NUB1: variants seen among roughly 807,000 people sequenced by gnomAD.
The protein encoded by NUB1 is NEDD8 ultimate buster 1.
A neutral mutation model predicts 77.1 loss-of-function variants in NUB1; 41 were observed. That is an observed-to-expected ratio of 0.53 (90% CI 0.41 to 0.69). NUB1 has a LOEUF of 0.69. Ranked by LOEUF, NUB1 falls within the 30% of genes least tolerant of loss-of-function variation. NUB1 has a pLI of 0.00. For synonymous variants in NUB1, 257 were observed against 281.0 expected (o/e 0.91, Z 0.85); for missense variants, 643 against 743.8 (o/e 0.86, Z 1.58).
At chr7:151,353,850 C>T (rs1012386992) in intron 5 of NUB1, among the ~76,000 whole-genome samples, 2 of 152,200 alleles carry the variant, frequency 1.3e-5, no homozygotes, top group African/African-American at 4.8e-5. Context: ...CTCACCCTAG[C>T]CTTGCTTTCC....
At chr7:151,376,595 G>A (rs200208346) in intron 13 of NUB1, 39 bp from the exon 14 acceptor site, 43 of 1,549,502 alleles carry the variant, frequency 2.8e-5, no homozygotes, top group Middle Eastern at 1.9e-4. Context: ...CAGAAGAGGC[G>A]CCAGGGGCTG....
At chr7:151,352,163 G>A (rs962858694) in intron 4 of NUB1, 9 of 456,534 alleles carry the variant, frequency 2.0e-5, no homozygotes, top group African/African-American at 6.0e-5. Flanking sequence ...ATCAGCCCCC[G>A]CTATGGGCTT....
chr7:151,349,329 CAA>C (rs1796678989), intron 3 of NUB1, 89 bp downstream of exon 3: 1 of 1,111,522 alleles, frequency 9.0e-7, no homozygotes, highest in Admixed American at 2.3e-5. Flanking sequence ...AGTTACAATC[CAA>C]AGTCAGAATT....
intron 4 of NUB1, among the ~76,000 whole-genome samples, 177 bp downstream of exon 4, chr7:151,351,659 T>C (rs1256659160): frequency 6.6e-6 from 1 of 152,134 alleles, no homozygotes; most frequent in Non-Finnish European, 1.5e-5. Context: ...GGTAGGTAAG[T>C]GGCAAAGTGA....
intron 7 of NUB1, among the ~76,000 whole-genome samples, chr7:151,357,890 A>T (rs1584949759): frequency 6.6e-6 from 1 of 151,144 alleles, no homozygotes; most frequent in African/African-American, 2.4e-5. Flanking sequence ...GATTACAGGC[A>T]TGAGCCACTG....
rs773360882 is a variant in NUB1 at position 151,355,974 on chromosome 7, A to G, written c.598+24A>G. ...AGGTACCCAGAGCTCTGGGCTTGTC[A>G]CCCACTCAGCTGCTTGGGGGCAGCA... is the stretch of plus-strand genomic sequence containing the variant. On this transcript the variant is annotated intron_variant, in intron 6 of 14. Coordinates refer to ENST00000568733, the MANE Select transcript of NUB1 (RefSeq NM_001243351.2). 4 of 1,611,030 alleles carry G rather than the reference A, an allele frequency of 2.5e-6. No individual in the cohort carries two copies. In the South Asian group the frequency reaches 4.4e-5, roughly 18 times the overall value.
At chr7:151,349,769 A>G (rs1464190776) in intron 3 of NUB1, among the ~76,000 whole-genome samples, 2 of 152,256 alleles carry the variant, frequency 1.3e-5, no homozygotes, top group African/African-American at 4.8e-5. Flanking sequence ...CAGAAGAAAT[A>G]AGAGCATAGG....
Position 151,377,869 on chromosome 7 carries a change from TTGAG to T in NUB1, c.*647_*650del, listed in dbSNP as rs1380974263. On this transcript the variant is annotated 3_prime_UTR_variant, in exon 15 of 15. Coordinates refer to ENST00000568733, the MANE Select transcript of NUB1 (RefSeq NM_001243351.2). The stretch of plus-strand genomic sequence containing the variant: ...TAAAATACGCCCCCGAAATTCAAGA[TTGAG>T]TGTCAGGCTTTATATATATTCAGCA... The T allele has an allele frequency of 1.3e-5, 2 of 152,222 alleles. No individual in the cohort carries two copies. The highest frequency in any genetic ancestry group is 4.8e-5 in the African/African-American group (2 of 41,446). 9.4% of individuals were successfully genotyped at this position (152,222 alleles called of 1,614,324 possible). A position where few individuals can be genotyped will look rare whatever the true frequency, so the allele number is the denominator to read the frequency against.
intron 5 of NUB1, among the ~76,000 whole-genome samples, chr7:151,354,063 A>G (rs1227016289): frequency 6.6e-6 from 1 of 152,116 alleles, no homozygotes; most frequent in Admixed American, 6.5e-5. Context: ...GATAGTCTAC[A>G]TTTTCTTGAA....
intron 12 of NUB1, 125 bp downstream of exon 12, chr7:151,374,368 A>G (rs1798108310): frequency 8.0e-7 from 1 of 1,256,616 alleles, no homozygotes; most frequent in Non-Finnish European, 1.1e-6. Flanking sequence ...TCCGGATCTG[A>G]AGGGCAGGTT....
chr7:151,350,033 A>G (rs1421097708), intron 3 of NUB1, among the ~76,000 whole-genome samples: 2 of 152,234 alleles, frequency 1.3e-5, no homozygotes, highest in Non-Finnish European at 2.9e-5. Context: ...TCATGTGTCC[A>G]CCGGACAGGG....
intron 12 of NUB1, among the ~76,000 whole-genome samples, chr7:151,375,268 T>C (rs1021918740): frequency 6.6e-6 from 1 of 152,196 alleles, no homozygotes; most frequent in East Asian, 1.9e-4. Flanking sequence ...TTTTTGTGTG[T>C]TGGAGAAATA....
At chr7:151,344,308 T>A (rs896891418) in intron 1 of NUB1, among the ~76,000 whole-genome samples, 5 of 150,864 alleles carry the variant, frequency 3.3e-5, no homozygotes, top group African/African-American at 1.2e-4. Flanking sequence ...TAGAAAATAT[T>A]TATATATTTA....
intron 1 of NUB1, among the ~76,000 whole-genome samples, chr7:151,344,371 T>C (rs1333973832): frequency 6.6e-6 from 1 of 150,992 alleles, no homozygotes; most frequent in Non-Finnish European, 1.5e-5. Context: ...AGTGCAGTGG[T>C]GCCATCTCGG....
Position 151,377,149 on chromosome 7 carries a change from T to C in NUB1, c.1772T>C (p.Leu591Pro). Reference sequence around the variant, plus strand: ...GAGGAAGACTATCTTGACTCAACTCTGGAAGATGAAGAAATTATTATTGCA... The same window carrying C: ...GAGGAAGACTATCTTGACTCAACTCCGGAAGATGAAGAAATTATTATTGCA... ...EHEEDYLDST[L>P]EDEEIIIAEY... The change falls in exon 15 of 15, where the codon CTG becomes CCG. Residue 591 changes from leucine to proline, a missense_variant. Physicochemically the swap from Leu to Pro is moderately conservative, Grantham distance 98. Coordinates refer to ENST00000568733, the MANE Select transcript of NUB1 (RefSeq NM_001243351.2). The C allele has an allele frequency of 6.3e-7, 1 of 1,590,142 alleles. No individual in the cohort carries two copies. The highest frequency in any genetic ancestry group is 8.6e-7 in the Non-Finnish European group (1 of 1,167,116).
intron 8 of NUB1, among the ~76,000 whole-genome samples, chr7:151,364,432 CAAAAAAAAACAA>C (rs1380359979): frequency 4.8e-5 from 7 of 146,690 alleles, no homozygotes; most frequent in African/African-American, 1.5e-4. Flanking sequence ...AAAACAAAAA[CAAAAAAAAACAA>C]AAAAAAAAAC....
intron 11 of NUB1, among the ~76,000 whole-genome samples, chr7:151,371,170 C>T (rs1342186499): frequency 9.9e-5 from 15 of 152,134 alleles, no homozygotes; most frequent in Non-Finnish European, 1.6e-4. Flanking sequence ...TTGTTAGTTA[C>T]GATGCCTTTG....
chr7:151,349,133 A>T lies in NUB1; in HGVS notation c.178A>T (p.Ile60Leu). The T allele has an allele frequency of 6.2e-7, 1 of 1,613,762 alleles. No homozygotes were observed. Among genetic ancestry groups the T allele is most frequent in the Non-Finnish European group, 8.5e-7 (1 of 1,179,778 alleles). The change falls in exon 3 of 15, where the codon ATA (isoleucine) becomes TTA (leucine). Residue 60 changes from isoleucine (I) to leucine (L), a missense_variant. Ile to Leu is a conservative substitution (Grantham distance 5). Coordinates refer to ENST00000568733, the MANE Select transcript of NUB1 (RefSeq NM_001243351.2). Reference sequence around the variant, plus strand: ...CTGTGAAAATGAAGTAGAAAAGGTAATAGAAGAAATACGTTGCAAGGCAAT... The same window carrying T: ...CTGTGAAAATGAAGTAGAAAAGGTATTAGAAGAAATACGTTGCAAGGCAAT... Reference protein sequence around the residue: ...ECCENEVEKVIEEIRCKAIER... With the variant: ...ECCENEVEKVLEEIRCKAIER...
rs751190930 is a variant in NUB1, at chr7:151,356,138, A to G, written c.609A>G (p.Thr203=). Residue 203 remains threonine, a synonymous_variant, in exon 7 of 15, where the codon ACA becomes ACG. Transcript: ENST00000568733. ...LEILAKRAAE[T]VVDPEMTPYL... Reference sequence around the variant, plus strand: ...TTGGTTTTGTTACAGCAGCAGAGACAGTGGTGGATCCAGAAATGACACCGT... The same window carrying G: ...TTGGTTTTGTTACAGCAGCAGAGACGGTGGTGGATCCAGAAATGACACCGT... 11 of 1,613,480 alleles carry G rather than the reference A, an allele frequency of 6.8e-6. No individual in the cohort carries two copies. Among genetic ancestry groups the G allele is most frequent in the Admixed American group, 1.7e-5 (1 of 60,002 alleles).
Sources: allele counts gnomAD v4.1 joint callset (sites outside exome capture counted in the v4.1 genomes callset), GRCh38; gene constraint gnomAD v4.1.1; transcripts MANE v1.5; gene names NCBI Gene and HGNC (gene_info 2026-07-23, HGNC 2026-07-21).